Variants in CIT observed in about 807,000 individuals in gnomAD.
The protein encoded by CIT is citron Rho-interacting kinase.
A neutral mutation model predicts 272.7 loss-of-function variants in CIT; 79 were observed. The ratio of observed to expected loss-of-function variants is 0.29; its 90% CI spans 0.24 to 0.35. The LOEUF (loss-of-function observed/expected upper bound fraction) is 0.35, where lower values mean the gene tolerates loss of function less well. CIT is among the 10% of genes least tolerant of loss of function. CIT has a pLI of 1.00. For synonymous variants in CIT, 948 were observed against 995.6 expected (o/e 0.95, Z 0.90); for missense variants, 1,909 against 2,618.3 (o/e 0.73, Z 5.91).
In CIT at chr12:119,724,177, T is replaced by C. The variant is rs760147066; in HGVS notation, c.3592-2728A>G. Among the ~76,000 whole-genome samples the C allele has an allele frequency of 5.9e-5, 9 of 152,158 alleles. No homozygotes were observed. The East Asian group carries it at 1.2e-3, about 20-fold the overall frequency. On this transcript the variant is annotated intron_variant, in intron 28 of 47. Transcript: ENST00000392521. Reference sequence around the variant, plus strand: ...TTGGAGTGGGAGAGCTATTTGGATATCTAGTTGACTGTCACAGAGATAATA... The same window carrying C: ...TTGGAGTGGGAGAGCTATTTGGATACCTAGTTGACTGTCACAGAGATAATA...
chr12:119,858,951 T>C (rs1950251869), intron 3 of CIT, among the ~76,000 whole-genome samples: 1 of 152,200 alleles, frequency 6.6e-6, no homozygotes, highest in Admixed American at 6.5e-5. Flanking sequence ...TTTCTTACCA[T>C]ACAGTCTTAT....
Position 119,690,350 on chromosome 12 carries a change from C to T in CIT, c.5987G>A (p.Ser1996Asn), listed in dbSNP as rs368170067. 13 of 1,598,028 alleles carry T rather than the reference C, an allele frequency of 8.1e-6. No individual in the cohort carries two copies. Among genetic ancestry groups the T allele is most frequent in the Non-Finnish European group, 1.1e-5 (13 of 1,178,492 alleles). The change falls in exon 47 of 48, where the codon AGC becomes AAC. Residue 1996 changes from serine (S) to asparagine (N), a missense_variant. Physicochemically the swap from Ser to Asn is conservative, Grantham distance 46. Transcript: ENST00000392521. The surrounding 1 kb of genome is among the most constrained non-coding windows in gnomAD (Gnocchi z 6.0). Reference sequence around the variant, plus strand: ...CCCCTCGCGGTAGCGGTGGGGTGTGCTTGGCTCTCGCGGGTGGCTGGGGCC... The same window carrying T: ...CCCCTCGCGGTAGCGGTGGGGTGTGTTTGGCTCTCGCGGGTGGCTGGGGCC... Reference protein sequence around the residue: ...PEGPSHPREPSTPHRYREGRT... With the variant: ...PEGPSHPREPNTPHRYREGRT...
chr12:119,787,025 G>A (rs931535140), intron 10 of CIT, among the ~76,000 whole-genome samples: 1 of 151,874 alleles, frequency 6.6e-6, no homozygotes, highest in Non-Finnish European at 1.5e-5. Flanking sequence ...GCTGGAGTGC[G>A]GTGGTCCCAG....
intron 9 of CIT, among the ~76,000 whole-genome samples, chr12:119,810,439 C>A (rs1391521708): frequency 3.9e-5 from 6 of 152,070 alleles, no homozygotes; most frequent in African/African-American, 1.2e-4. Flanking sequence ...GTGGCTCACA[C>A]CTGTAATCCC....
At position 119,774,130 on chromosome 12, in the gene CIT, T is replaced by G. The variant is rs539812232; in HGVS notation, c.1942-1220A>C. ...ATCATAGAAACAGAAAGTAGAAAGG[T>G]AGGGGGATGAGAGGAATTCGTATTT... On this transcript the variant is annotated intron_variant, in intron 16 of 47. Transcript: ENST00000392521. 3.3e-5 allele frequency among the ~76,000 whole-genome samples: 5 copies of G among 152,122 alleles called. No individual in the cohort carries two copies. The East Asian group carries it at 9.6e-4, about 29-fold the overall frequency.
chr12:119,744,639 C>T (rs946789410), intron 23 of CIT, among the ~76,000 whole-genome samples: 18 of 142,846 alleles, frequency 1.3e-4, no homozygotes, highest in African/African-American at 4.4e-4. Flanking sequence ...TGGTGTGAAC[C>T]GGAAGGCAGA....
chr12:119,767,822 C>T (rs181011981), intron 18 of CIT, among the ~76,000 whole-genome samples: 2 of 150,692 alleles, frequency 1.3e-5, no homozygotes. Context: ...TAAAAATGTA[C>T]AGACATATTA....
intron 13 of CIT, among the ~76,000 whole-genome samples, chr12:119,778,505 A>G (rs1360139660): frequency 1.3e-5 from 2 of 152,244 alleles, no homozygotes; most frequent in African/African-American, 4.8e-5. Flanking sequence ...CTCTCCCAAG[A>G]AATAATTGGT....
At chr12:119,785,480 C>T (rs1033152905) in intron 10 of CIT, among the ~76,000 whole-genome samples, 5 of 152,110 alleles carry the variant, frequency 3.3e-5, no homozygotes, top group Non-Finnish European at 7.4e-5. Context: ...CTGGAAAAGA[C>T]AAGGAAACAG....
At chr12:119,811,210 G>A (rs923708180) in intron 9 of CIT, among the ~76,000 whole-genome samples, 3 of 152,002 alleles carry the variant, frequency 2.0e-5, no homozygotes, top group African/African-American at 7.2e-5. Context: ...TGGGAGAGAT[G>A]GGAGGATCAT....
At chr12:119,745,596 G>C (rs1447207640) in intron 23 of CIT, among the ~76,000 whole-genome samples, 2 of 152,084 alleles carry the variant, frequency 1.3e-5, no homozygotes, top group African/African-American at 2.4e-5. Flanking sequence ...TGAATGAAGA[G>C]CCCTGGAGAG....
chr12:119,815,105 A>ACAACAC (rs58388824), intron 9 of CIT, among the ~76,000 whole-genome samples: 1 of 143,102 alleles, frequency 7.0e-6, no homozygotes, highest in African/African-American at 2.6e-5. Flanking sequence ...ACACACACAC[A>ACAACAC]ACACACACAC....
chr12:119,819,129 A>G (rs1593857898), intron 9 of CIT, among the ~76,000 whole-genome samples: 1 of 152,198 alleles, frequency 6.6e-6, no homozygotes, highest in African/African-American at 2.4e-5. Context: ...CCCCCCACTG[A>G]AACTTGGAAA....
intron 10 of CIT, among the ~76,000 whole-genome samples, chr12:119,792,538 C>T (rs966574226): frequency 6.6e-6 from 1 of 151,980 alleles, no homozygotes; most frequent in Admixed American, 6.5e-5. Context: ...GGTGCGATCT[C>T]GGCTCACTGC....
intron 27 of CIT, 141 bp downstream of exon 27, chr12:119,730,354 C>A: frequency 2.2e-4 from 167 of 759,138 alleles, no homozygotes; most frequent in East Asian, 1.1e-3. Flanking sequence ...TAAGGCAAAA[C>A]CATGGGACAT....
chr12:119,840,469 C>T (rs966456864), intron 5 of CIT, among the ~76,000 whole-genome samples: 14 of 152,100 alleles, frequency 9.2e-5, no homozygotes, highest in South Asian at 4.1e-4. Context: ...TGAAACATGC[C>T]TCAAAACACC....
In CIT at chr12:119,741,100, G is replaced by C. The variant is rs1959036280; in HGVS notation, c.2958+1311C>G. Among the ~76,000 whole-genome samples, 3 of 151,528 alleles carry C rather than the reference G, an allele frequency of 2.0e-5. No individual in the cohort carries two copies. In the South Asian group the frequency reaches 6.2e-4, roughly 32 times the overall value. ...CAATCCAAATGTCTACCAACAAGGA[G>C]AATGGATAAACAAACTATAGTTCTA... On this transcript the variant is annotated intron_variant, in intron 24 of 47. Coordinates refer to ENST00000392521, the MANE Select transcript of CIT (RefSeq NM_001206999.2).
intron 10 of CIT, among the ~76,000 whole-genome samples, chr12:119,792,288 G>T (rs1039499137): frequency 4.6e-5 from 7 of 152,112 alleles, no homozygotes; most frequent in Non-Finnish European, 7.3e-5. Flanking sequence ...TATACTTGAA[G>T]CCAAAATGAG....
chr12:119,706,365 G>A (rs1032564393), intron 40 of CIT, among the ~76,000 whole-genome samples: 1 of 152,106 alleles, frequency 6.6e-6, no homozygotes, highest in Non-Finnish European at 1.5e-5. Flanking sequence ...GGGGTTTGTT[G>A]TACAGGTTAT....
Sources: gnomAD v4.1 joint callset for allele counts (sites outside exome capture counted in the v4.1 genomes callset) on GRCh38, gnomAD v4.1.1 for gene constraint, Gnocchi (gnomAD v3.1) non-coding constraint, MANE v1.5 for transcripts, NCBI Gene and HGNC (gene_info 2026-07-23, HGNC 2026-07-21) for gene names.